The following HNRNPR variants were observed in gnomAD, a reference collection of about 807,000 sequenced individuals.
HNRNPR encodes heterogeneous nuclear ribonucleoprotein R.
HNRNPR carries 4 observed loss-of-function variants against 70.3 expected under a neutral mutation model. That is an observed-to-expected ratio of 0.06 (90% confidence interval 0.03 to 0.13). The LOEUF is 0.13. HNRNPR is among the 10% of genes least tolerant of loss of function. The pLI is 1.00. For synonymous variants in HNRNPR, 241 were observed against 267.6 expected, an observed-to-expected ratio of 0.90 and a Z score of 0.97; for missense variants, 423 against 788.5, an observed-to-expected ratio of 0.54 and a Z score of 5.55.
intron 4 of HNRNPR, among the ~76,000 whole-genome samples, chr1:23,336,600 A>C (rs1189117929): frequency 8.9e-6 from 1 of 112,526 alleles, no homozygotes; most frequent in Non-Finnish European, 1.9e-5. Context: ...AAAAAAAAAA[A>C]TTAGCTGGAT....
At chr1:23,316,273 G>A (rs1645542065) in intron 8 of HNRNPR, among the ~76,000 whole-genome samples, 1 of 152,164 alleles carries the variant, frequency 6.6e-6, no homozygotes, top group Admixed American at 6.5e-5. Context: ...CATGTGGGCA[G>A]CTACTGCACT....
At chr1:23,330,351 A>G (rs1444485067) in intron 5 of HNRNPR, among the ~76,000 whole-genome samples, 1 of 152,142 alleles carries the variant, frequency 6.6e-6, no homozygotes, top group East Asian at 1.9e-4. Flanking sequence ...CCTGGCCAAC[A>G]TGGTGAAACC....
rs893091725 is a variant in HNRNPR, at chr1:23,309,705, T to TTA, written c.*747_*748dup. The TTA allele has an allele frequency of 8.5e-5, 13 of 152,730 alleles. No homozygotes were observed. In the East Asian group the frequency reaches 1.7e-3, roughly 20 times the overall value. The allele number at this position is 152,730 out of a possible 1,614,324, so 9.5% of individuals were successfully genotyped here. A position where few individuals can be genotyped will look rare whatever the true frequency, so the allele number is the denominator to read the frequency against. On this transcript the variant is annotated 3_prime_UTR_variant, in exon 11 of 11. Transcript: ENST00000302271. Reference sequence around the variant, plus strand: ...TGAATTTGATCACTCACATAGGCAGTTATACTTTGAAAACAATATTCCTTG... The same window carrying TTA: ...TGAATTTGATCACTCACATAGGCAGTTATATACTTTGAAAACAATATTCCTTG...
rs1473405357 is a variant in HNRNPR, at chr1:23,323,564, C to T, written c.667G>A (p.Val223Met). 13 of 1,613,054 alleles carry T rather than the reference C, an allele frequency of 8.1e-6. No homozygotes were observed. Among genetic ancestry groups the T allele is most frequent in the East Asian group, 4.5e-5 (2 of 44,868 alleles). The change falls in exon 6 of 11, where the codon GTG (valine) becomes ATG (methionine). Residue 223 changes from valine to methionine, a missense_variant. Physicochemically the swap from Val to Met is conservative, Grantham distance 21. Coordinates refer to ENST00000302271, the MANE Select transcript of HNRNPR (RefSeq NM_005826.5). The stretch of plus-strand genomic sequence containing the variant: ...GGATAATTATCACATACCAGTTTCA[C>T]GGCTTCCTGTGCAGCTTCCTTTCCA... ...FCGKEAAQEA[V>M]KLCDSYEIRP...
intron 6 of HNRNPR, among the ~76,000 whole-genome samples, chr1:23,323,039 C>T (rs965991449): frequency 1.3e-5 from 2 of 151,932 alleles, no homozygotes; most frequent in Non-Finnish European, 2.9e-5. Context: ...GACTCAAGGG[C>T]CAAGAAACAT....
chr1:23,331,834 T>TTAAAAAAAAAAAA, intron 5 of HNRNPR, among the ~76,000 whole-genome samples: 1 of 59,270 alleles, frequency 1.7e-5, no homozygotes, highest in South Asian at 1.4e-3. Context: ...ACTGTTTCTT[T>TTAAAAAAAAAAAA]AAAAAAAAAA....
intron 5 of HNRNPR, among the ~76,000 whole-genome samples, chr1:23,324,045 G>C (rs770660128): frequency 2.9e-4 from 44 of 152,050 alleles, no homozygotes; most frequent in Non-Finnish European, 6.2e-4. Flanking sequence ...GGACGCAGCA[G>C]CTCACGCCTG....
Position 23,310,447 on chromosome 1 carries a change from T to A in HNRNPR, c.*7A>T, listed in dbSNP as rs1645285552. On this transcript the variant is annotated 3_prime_UTR_variant, in exon 11 of 11. Transcript: ENST00000302271. This position sits in a 1 kb window ranked among gnomAD's most constrained non-coding sequence, Gnocchi z 6.0. ...CTTGCCAGTATCATTTTCAAGCCCT[T>A]ACTTGTCTACTTCCACTGTTGCCCA... 1 of 1,576,658 alleles carries A rather than the reference T, an allele frequency of 6.3e-7. No homozygotes were observed. The highest frequency in any genetic ancestry group is 1.2e-5 in the South Asian group (1 of 84,734).
intron 5 of HNRNPR, 35 bp from the exon 6 acceptor site, chr1:23,323,767 A>T: frequency 1.9e-6 from 3 of 1,580,182 alleles, no homozygotes; most frequent in Non-Finnish European, 2.6e-6. Context: ...ATCCAACATA[A>T]GCATTTGATT....
intron 4 of HNRNPR, among the ~76,000 whole-genome samples, chr1:23,334,267 C>A (rs183757852): frequency 8.2e-6 from 1 of 121,978 alleles, no homozygotes; most frequent in East Asian, 2.5e-4. Context: ...GACGGAGTCT[C>A]GCTGTGTCAC....
intron 4 of HNRNPR, among the ~76,000 whole-genome samples, chr1:23,335,420 G>A (rs1381116089): frequency 3.3e-5 from 5 of 152,228 alleles, no homozygotes; most frequent in African/African-American, 1.2e-4. Flanking sequence ...GGCCTGTTAG[G>A]AACCGGGCTG....
At chr1:23,343,995 G>A (rs1429790498) in intron 1 of HNRNPR, among the ~76,000 whole-genome samples, 1 of 152,158 alleles carries the variant, frequency 6.6e-6, no homozygotes, top group Non-Finnish European at 1.5e-5. Context: ...CGGGCTAAAG[G>A]GGCGGGGGGA....
At chr1:23,336,244 A>G (rs1646478186) in intron 4 of HNRNPR, among the ~76,000 whole-genome samples, 1 of 151,022 alleles carries the variant, frequency 6.6e-6, no homozygotes, top group Non-Finnish European at 1.5e-5. Flanking sequence ...TGGCTAACAC[A>G]GTGAAACCCC....
At chr1:23,326,212 T>C (rs549819790) in intron 5 of HNRNPR, among the ~76,000 whole-genome samples, 5 of 151,802 alleles carry the variant, frequency 3.3e-5, no homozygotes, top group African/African-American at 1.2e-4. Context: ...TTTTTTTTAC[T>C]CACACAGTTA....
Position 23,331,999 on chromosome 1 carries a change from G to A in HNRNPR, c.498+1519C>T, listed in dbSNP as rs146034200. 9.6e-3 allele frequency among the ~76,000 whole-genome samples: 1,456 copies of A among 152,210 alleles called. 33 individuals are homozygous for A. Among genetic ancestry groups the A allele is most frequent in the African/African-American group, 0.033 (1,361 of 41,524 alleles). ...ATAGAAAAATTAGCCAGGCGTGGTG[G>A]CAGGCATCTGTAGTCCCAGCTACTC... is the stretch of plus-strand genomic sequence containing the variant. On this transcript the variant is annotated intron_variant, in intron 5 of 10. Transcript: ENST00000302271.
chr1:23,313,930 ACTGAG>A (rs1645433741), intron 8 of HNRNPR, among the ~76,000 whole-genome samples: 1 of 152,164 alleles, frequency 6.6e-6, no homozygotes, highest in Admixed American at 6.5e-5. Context: ...AGCACCTAAC[ACTGAG>A]TAGAACCTTC....
chr1:23,310,547 C>T lies in HNRNPR; in HGVS notation c.1809G>A (p.Pro603=), dbSNP rs774175863. ...NWGSQPIAQQ[P]LQQGGDYSGN... ...CAGAATAGTCACCACCTTGCTGAAG[C>T]GGCTGCTGAGCGATGGGTTGGGAAC... Residue 603 remains proline (P), a synonymous_variant, in exon 11 of 11, where the codon CCG becomes CCA. Transcript: ENST00000302271. This position sits in a 1 kb window ranked among gnomAD's most constrained non-coding sequence, Gnocchi z 6.0. 3.1e-6 allele frequency: 5 copies of T among 1,614,136 alleles called. No individual in the cohort carries two copies. Among genetic ancestry groups the T allele is most frequent in the South Asian group, 2.2e-5 (2 of 91,076 alleles).
Position 23,307,532 on chromosome 1 carries a change from A to T in HNRNPR, c.*2922T>A, listed in dbSNP as rs981286411. On this transcript the variant is annotated 3_prime_UTR_variant, in exon 11 of 11. Coordinates refer to ENST00000302271, the MANE Select transcript of HNRNPR (RefSeq NM_005826.5). ...AAAACAATTATGCTGAACTCATTTT[A>T]AAAAAACTACAGAATCATAACTCAT... 5.3e-5 allele frequency: 8 copies of T among 152,072 alleles called. No individual in the cohort carries two copies. Among genetic ancestry groups the T allele is most frequent in the Admixed American group, 1.3e-4 (2 of 15,264 alleles). 9.4% of individuals were successfully genotyped at this position (152,072 alleles called of 1,614,324 possible). A position where few individuals can be genotyped will look rare whatever the true frequency, so the allele number is the denominator to read the frequency against.
At chr1:23,324,441 G>A (rs1057204464) in intron 5 of HNRNPR, among the ~76,000 whole-genome samples, 2 of 152,092 alleles carry the variant, frequency 1.3e-5, no homozygotes, top group Admixed American at 6.6e-5. Flanking sequence ...GGTGGCAGGC[G>A]CCTGTACTCC....
Sources: gnomAD v4.1 joint callset for allele counts (sites outside exome capture counted in the v4.1 genomes callset) on GRCh38, gnomAD v4.1.1 for gene constraint, Gnocchi (gnomAD v3.1) non-coding constraint, MANE v1.5 for transcripts, NCBI Gene and HGNC (gene_info 2026-07-23, HGNC 2026-07-21) for gene names.